The following CDH4 variants were observed in gnomAD, a reference collection of about 807,000 sequenced individuals.
CDH4 encodes the protein cadherin 4.
A neutral mutation model predicts 86.0 loss-of-function variants in CDH4; 33 were observed. That is an observed-to-expected ratio of 0.38 (90% CI 0.29 to 0.51). CDH4 has a LOEUF of 0.51. CDH4 is among the 20% of genes least tolerant of loss of function. The pLI is 0.86. For missense variants in CDH4, 1,114 were observed against 1,307.4 expected (o/e 0.85, Z 2.28); for synonymous variants, 555 against 549.4 (o/e 1.01, Z -0.14).
intron 2 of CDH4, among the ~76,000 whole-genome samples, chr20:61,696,228 GC>G (rs914531722): frequency 1.3e-5 from 2 of 152,184 alleles, no homozygotes; most frequent in Non-Finnish European, 2.9e-5. Flanking sequence ...AATGAGAACC[GC>G]CCCCCACAAA....
At chr20:61,591,678 T>A (rs1003756067) in intron 2 of CDH4, among the ~76,000 whole-genome samples, 7 of 152,256 alleles carry the variant, frequency 4.6e-5, no homozygotes, top group African/African-American at 1.7e-4. Flanking sequence ...TCATTGAACT[T>A]CTGCTCTGTT....
At chr20:61,307,351 C>G (rs2084422805) in intron 2 of CDH4, among the ~76,000 whole-genome samples, 1 of 152,102 alleles carries the variant, frequency 6.6e-6, no homozygotes. Flanking sequence ...TCATTAGGCA[C>G]TCAGCACCTA....
intron 2 of CDH4, among the ~76,000 whole-genome samples, chr20:61,581,726 CA>C (rs1350346289): frequency 6.6e-6 from 1 of 152,238 alleles, no homozygotes; most frequent in African/African-American, 2.4e-5. Flanking sequence ...TCAGCTCTGC[CA>C]GGGTCTTTGG....
At chr20:61,702,407 C>T (rs967411824) in intron 2 of CDH4, among the ~76,000 whole-genome samples, 15 of 152,294 alleles carry the variant, frequency 9.8e-5, no homozygotes, top group Middle Eastern at 3.4e-3. Flanking sequence ...CCTCCAGGAA[C>T]GCTCCACACA....
intron 2 of CDH4, among the ~76,000 whole-genome samples, chr20:61,293,894 G>A (rs996734086): frequency 9.2e-5 from 14 of 152,166 alleles, no homozygotes; most frequent in Admixed American, 3.3e-4. Flanking sequence ...CGGCAGTGCC[G>A]GGTTTTGCGG....
intron 2 of CDH4, among the ~76,000 whole-genome samples, chr20:61,446,682 G>T (rs554948518): frequency 6.6e-6 from 1 of 152,192 alleles, no homozygotes; most frequent in Non-Finnish European, 1.5e-5. Flanking sequence ...GAACTAGAAT[G>T]GTTTTAAGGT....
rs1048175397 is a variant in CDH4 at position 61,663,014 on chromosome 20, C to T, written c.170-80549C>T. Among the ~76,000 whole-genome samples, 2 of 152,268 alleles carry T rather than the reference C, an allele frequency of 1.3e-5. No individual in the cohort carries two copies. Among genetic ancestry groups the T allele is most frequent in the South Asian group, 2.1e-4 (1 of 4,814 alleles). On this transcript the variant is annotated intron_variant, in intron 2 of 15. Coordinates refer to ENST00000614565, the MANE Select transcript of CDH4 (RefSeq NM_001794.5). The surrounding 1 kb of genome is among the most constrained non-coding windows in gnomAD (Gnocchi z 5.0). The stretch of plus-strand genomic sequence containing the variant: ...CCCCTCCCCACAGGCACTGGCACAG[C>T]GGCCCGGGGTAGAACCCATGGCCCT...
At chr20:61,915,861 T>C (rs2054898744) in intron 9 of CDH4, among the ~76,000 whole-genome samples, 1 of 152,198 alleles carries the variant, frequency 6.6e-6, no homozygotes. Flanking sequence ...AGAGTGACTC[T>C]TACTGCATGT....
At chr20:61,497,065 A>G (rs965568907) in intron 2 of CDH4, among the ~76,000 whole-genome samples, 2 of 149,778 alleles carry the variant, frequency 1.3e-5, no homozygotes, top group East Asian at 2.0e-4. Flanking sequence ...TACGTTCACC[A>G]TTGGCATGGT....
intron 2 of CDH4, among the ~76,000 whole-genome samples, chr20:61,539,007 CGCTGGAGGCAGGGGAGGAGGACTAAAGGA>C (rs895259664): frequency 1.1e-4 from 17 of 152,154 alleles, no homozygotes; most frequent in Non-Finnish European, 2.4e-4. Context: ...CGGTCTCTGC[CGCTGGAGGCAGGGGAGGAGGACTAAAGGA>C]GGATCCCAGG....
At chr20:61,285,999 T>TC (rs2084291118) in intron 2 of CDH4, among the ~76,000 whole-genome samples, 2 of 152,016 alleles carry the variant, frequency 1.3e-5, no homozygotes, top group Non-Finnish European at 2.9e-5. Flanking sequence ...CTTCTTTTCC[T>TC]TCCCCCTTCC....
In CDH4 at chr20:61,518,221, G is replaced by A. The variant is rs188682832; in HGVS notation, c.170-225342G>A. Among the ~76,000 whole-genome samples the A allele has an allele frequency of 2.8e-4, 42 of 152,278 alleles. No homozygotes were observed. The Middle Eastern group carries it at 0.02, about 74-fold the overall frequency. On this transcript the variant is annotated intron_variant, in intron 2 of 15. Coordinates refer to ENST00000614565, the MANE Select transcript of CDH4 (RefSeq NM_001794.5). This position sits in a 1 kb window ranked among gnomAD's most constrained non-coding sequence, Gnocchi z 6.3. ...ATCGAACACCACCAGTTCCTAGGAC[G>A]AGGAAGCCCGTGCCTCTCCACAGGC...
chr20:61,628,428 C>CTCAT (rs144320103), intron 2 of CDH4, among the ~76,000 whole-genome samples: 4,380 of 152,194 alleles, frequency 0.029, 170 homozygotes, highest in African/African-American at 0.09. Flanking sequence ...GGTTTGCCAG[C>CTCAT]TCATTCATTC....
At chr20:61,479,471 G>A (rs933030928) in intron 2 of CDH4, among the ~76,000 whole-genome samples, 5 of 151,814 alleles carry the variant, frequency 3.3e-5, no homozygotes, top group Admixed American at 6.6e-5. Flanking sequence ...TTGTCCTTGC[G>A]ATAGTTTGCT....
At chr20:61,872,596 A>G (rs1983856253) in intron 6 of CDH4, among the ~76,000 whole-genome samples, 1 of 152,130 alleles carries the variant, frequency 6.6e-6, no homozygotes, top group South Asian at 2.1e-4. Context: ...GCAGGGCACC[A>G]GCAGCTCTCC....
intron 2 of CDH4, among the ~76,000 whole-genome samples, chr20:61,692,265 A>G (rs1328988972): frequency 1.3e-5 from 2 of 149,084 alleles, no homozygotes; most frequent in Non-Finnish European, 3.0e-5. Flanking sequence ...GTGTGTCTGT[A>G]TGTGTGTCTT....
At chr20:61,652,302 T>C (rs975946051) in intron 2 of CDH4, among the ~76,000 whole-genome samples, 1 of 152,102 alleles carries the variant, frequency 6.6e-6, no homozygotes, top group Non-Finnish European at 1.5e-5. Context: ...TACGCAGCTA[T>C]GTATGTGGTT....
chr20:61,334,875 C>T (rs2084608840), intron 2 of CDH4, among the ~76,000 whole-genome samples: 1 of 152,230 alleles, frequency 6.6e-6, no homozygotes, highest in South Asian at 2.1e-4. Context: ...TGAGAAACTC[C>T]ACTTTGCCTC....
intron 2 of CDH4, among the ~76,000 whole-genome samples, chr20:61,580,413 G>C (rs1268305415): frequency 6.6e-6 from 1 of 152,030 alleles, no homozygotes; most frequent in Non-Finnish European, 1.5e-5. Context: ...CCAAGCTATT[G>C]TCACTCCACT....
Sources: gnomAD v4.1 joint callset for allele counts (sites outside exome capture counted in the v4.1 genomes callset) on GRCh38, gnomAD v4.1.1 for gene constraint, Gnocchi (gnomAD v3.1) non-coding constraint, MANE v1.5 for transcripts, NCBI Gene and HGNC (gene_info 2026-07-23, HGNC 2026-07-21) for gene names.